VTI1A: variants seen among roughly 807,000 people sequenced by gnomAD.
VTI1A encodes vesicle transport through interaction with t-SNAREs homolog 1A.
A neutral mutation model predicts 34.9 loss-of-function variants in VTI1A; 22 were observed. The ratio of observed to expected loss-of-function variants is 0.63; its 90% CI spans 0.45 to 0.90. The LOEUF is 0.90. Among genes scored for constraint, VTI1A ranks in the 40% least tolerant of loss-of-function variants. VTI1A has a pLI of 0.00. For missense variants in VTI1A, 268 were observed against 275.6 expected (o/e 0.97, Z 0.20); for synonymous variants, 87 against 97.3 (o/e 0.89, Z 0.62).
intron 7 of VTI1A, chr10:112,736,922 G>C: frequency 1.5e-6 from 1 of 648,298 alleles, no homozygotes. Flanking sequence ...TGAGTACTTG[G>C]CAAGGATGCT....
chr10:112,650,752 G>A (rs1324478144), intron 5 of VTI1A, among the ~76,000 whole-genome samples: 6 of 152,166 alleles, frequency 3.9e-5, no homozygotes, highest in East Asian at 3.8e-4. Flanking sequence ...TGTCCTATAC[G>A]TAGTCCCTCG....
At chr10:112,565,033 C>G (rs889021006) in intron 5 of VTI1A, among the ~76,000 whole-genome samples, 1 of 152,198 alleles carries the variant, frequency 6.6e-6, no homozygotes, top group South Asian at 2.1e-4. Flanking sequence ...ACAGCTCCCC[C>G]TCTTATATTT....
At chr10:112,612,517 C>T (rs1426112623) in intron 5 of VTI1A, among the ~76,000 whole-genome samples, 3 of 152,186 alleles carry the variant, frequency 2.0e-5, no homozygotes, top group Non-Finnish European at 1.5e-5. Context: ...CTCCTGGGCT[C>T]AAGTGATGAT....
chr10:112,575,923 A>G (rs936700024), intron 5 of VTI1A, among the ~76,000 whole-genome samples: 1 of 152,092 alleles, frequency 6.6e-6, no homozygotes, highest in African/African-American at 2.4e-5. Context: ...TTTATTGTGT[A>G]GAAAAGTTTA....
chr10:112,759,384 G>C (rs1018391685), intron 7 of VTI1A, among the ~76,000 whole-genome samples: 12 of 152,264 alleles, frequency 7.9e-5, no homozygotes, highest in Admixed American at 7.8e-4. Context: ...AATTGTGTGG[G>C]TGGATCACTT....
At chr10:112,469,760 C>T (rs372797310) in intron 3 of VTI1A, among the ~76,000 whole-genome samples, 55 of 152,348 alleles carry the variant, frequency 3.6e-4, no homozygotes, top group African/African-American at 9.4e-4. Flanking sequence ...TGTGAGACCT[C>T]GTGGGGTCCC....
chr10:112,733,038 T>G (rs535915642), intron 7 of VTI1A, among the ~76,000 whole-genome samples: 2 of 152,286 alleles, frequency 1.3e-5, no homozygotes, highest in African/African-American at 4.8e-5. Context: ...ACCAGGTGAT[T>G]CTGCTCAGTG....
chr10:112,844,374 G>A, the VTI1A span, among the ~76,000 whole-genome samples: 1 of 152,122 alleles, frequency 6.6e-6, no homozygotes, highest in African/African-American at 2.4e-5. Context: ...TTTTCATTAT[G>A]AGAGGCTCTG....
chr10:112,829,359 G>T, the VTI1A span, among the ~76,000 whole-genome samples: 65 of 151,458 alleles, frequency 4.3e-4, 1 homozygote, highest in Non-Finnish European at 1.0e-4. Context: ...CAGGAGAATG[G>T]CATGAACCCG....
rs183623342 is a variant in VTI1A at position 112,460,637 on chromosome 10, G to A, written c.153+55G>A. On this transcript the variant is annotated intron_variant, in intron 2 of 7. Coordinates refer to ENST00000393077, the MANE Select transcript of VTI1A (RefSeq NM_145206.4). ...CACAGCCAGAGCCGTTTAAGCTAAT[G>A]TCTTCCTCTAGCCTGTTTTATACAT... 65 of 1,412,252 alleles carry A rather than the reference G, an allele frequency of 4.6e-5. No homozygotes were observed. In the African/African-American group the frequency reaches 8.2e-4, roughly 18 times the overall value. 87.5% of individuals were successfully genotyped at this position (1,412,252 alleles called of 1,614,324 possible).
rs567379100 is a variant in VTI1A at position 112,637,526 on chromosome 10, G to T, written c.428-30692G>T. ...TACAAAAACTTAGCTGGGCGTGGTG[G>T]CACATGCCTGTAGTCCCAGCTACTT... On this transcript the variant is annotated intron_variant, in intron 5 of 7. Coordinates refer to ENST00000393077, the MANE Select transcript of VTI1A (RefSeq NM_145206.4). Among the ~76,000 whole-genome samples the T allele has an allele frequency of 5.9e-5, 9 of 152,286 alleles. No homozygotes were observed. The South Asian group carries it at 1.9e-3, about 32-fold the overall frequency.
chr10:112,748,422 A>T (rs1221730397), intron 7 of VTI1A, among the ~76,000 whole-genome samples: 1 of 152,136 alleles, frequency 6.6e-6, no homozygotes, highest in Non-Finnish European at 1.5e-5. Flanking sequence ...CTATAAAAAC[A>T]CATGTTGTCA....
intron 3 of VTI1A, among the ~76,000 whole-genome samples, chr10:112,518,613 G>C (rs557008769): frequency 7.6e-6 from 1 of 132,408 alleles, no homozygotes; most frequent in African/African-American, 2.8e-5. Flanking sequence ...ATATATATAT[G>C]TGTGTGTGTG....
the VTI1A span, among the ~76,000 whole-genome samples, chr10:112,849,888 A>G: frequency 6.6e-6 from 1 of 152,164 alleles, no homozygotes. Context: ...AGGTGGGTGC[A>G]AGGGCGAGGG....
chr10:112,718,443 A>G (rs1849683933), intron 7 of VTI1A, among the ~76,000 whole-genome samples: 1 of 152,238 alleles, frequency 6.6e-6, no homozygotes, highest in Admixed American at 6.5e-5. Context: ...CAAATGATGT[A>G]AATTTTACAT....
At chr10:112,776,309 A>C (rs888996628) in intron 7 of VTI1A, among the ~76,000 whole-genome samples, 1 of 152,172 alleles carries the variant, frequency 6.6e-6, no homozygotes, top group African/African-American at 2.4e-5. Flanking sequence ...TGGGATTATG[A>C]ACCCTGTGAA....
downstream of VTI1A, among the ~76,000 whole-genome samples, chr10:112,821,355 G>A (rs932711776): frequency 2.0e-5 from 3 of 152,142 alleles, no homozygotes; most frequent in Non-Finnish European, 2.9e-5. Context: ...CCTCCCCCAG[G>A]TGTGTTCAGG....
chr10:112,769,594 G>T (rs550003635), intron 7 of VTI1A, among the ~76,000 whole-genome samples: 1 of 152,292 alleles, frequency 6.6e-6, no homozygotes, highest in Non-Finnish European at 1.5e-5. Flanking sequence ...GAGCCTTGGT[G>T]AGGCCTAAAT....
chr10:112,708,211 G>T (rs1351011384), intron 7 of VTI1A, among the ~76,000 whole-genome samples: 2 of 152,130 alleles, frequency 1.3e-5, no homozygotes, highest in South Asian at 2.1e-4. Flanking sequence ...ATAATTGTGT[G>T]GTATGTGTAT....
Sources: gnomAD v4.1 joint callset for allele counts (sites outside exome capture counted in the v4.1 genomes callset) on GRCh38, gnomAD v4.1.1 for gene constraint, MANE v1.5 for transcripts, NCBI Gene and HGNC (gene_info 2026-07-23, HGNC 2026-07-21) for gene names.